Variants in COL7A1 observed in about 807,000 individuals in gnomAD.
COL7A1 encodes collagen type VII alpha 1 chain.
COL7A1 carries 296 observed loss-of-function variants against 456.2 expected under a neutral mutation model. The ratio of observed to expected loss-of-function variants is 0.65; its 90% CI spans 0.59 to 0.71. The LOEUF is 0.71. Among genes scored for constraint, COL7A1 ranks in the 30% least tolerant of loss-of-function variants. COL7A1 has a pLI of 0.00. For synonymous variants in COL7A1, 1,464 were observed against 1,525.9 expected (o/e 0.96, Z 0.95); for missense variants, 3,441 against 4,017.2 (o/e 0.86, Z 3.88).
Position 48,575,311 on chromosome 3 carries a change from C to G in COL7A1, c.6180+28G>C. The stretch of plus-strand genomic sequence containing the variant: ...CCACCCCTCCCAACCCCTCTTCCCT[C>G]ACTCTCCTGGCCAGCCCCCAGCCTC... On this transcript the variant is annotated intron_variant, in intron 74 of 118. Transcript: ENST00000681320. The surrounding 1 kb of genome is among the most constrained non-coding windows in gnomAD (Gnocchi z 6.3). The G allele has an allele frequency of 6.3e-7, 1 of 1,599,378 alleles. No homozygotes were observed. Among genetic ancestry groups the G allele is most frequent in the South Asian group, 1.1e-5 (1 of 90,704 alleles).
chr3:48,572,594 C>T lies in COL7A1; in HGVS notation c.6901-56G>A. ...CTCCCCCGCCCCCACCCTGCCACCC[C>T]CATGGCATTTGGAAACAGGCTTGTG... On this transcript the variant is annotated intron_variant, in intron 88 of 118. Transcript: ENST00000681320. This position sits in a 1 kb window ranked among gnomAD's most constrained non-coding sequence, Gnocchi z 4.6. 6.2e-7 allele frequency: 1 copy of T among 1,607,374 alleles called. No homozygotes were observed. Among genetic ancestry groups the T allele is most frequent in the Non-Finnish European group, 8.5e-7 (1 of 1,176,490 alleles).
Position 48,587,524 on chromosome 3 carries a change from CGTA to C in COL7A1, c.2885_2887del (p.Leu962del). On this transcript the variant is annotated inframe_deletion, in exon 23 of 119. Transcript: ENST00000681320. The surrounding 1 kb of genome is among the most constrained non-coding windows in gnomAD (Gnocchi z 6.1). ...CGAGTCGATCGAGGTGTCCACCACA[CGTA>C]GTTCAATGCTTGGAACACGAGGTGA... 6.2e-7 allele frequency: 1 copy of C among 1,613,504 alleles called. No individual in the cohort carries two copies. Among genetic ancestry groups the C allele is most frequent in the Non-Finnish European group, 8.5e-7 (1 of 1,180,026 alleles).
At chr3:48,582,294 G>A in intron 47 of COL7A1, 29 bp downstream of exon 47, 2 of 1,613,882 alleles carry the variant, frequency 1.2e-6, no homozygotes, top group East Asian at 4.5e-5. Context: ...GCTGTGCTGT[G>A]CTCAGAGCGC....
chr3:48,570,015 G>A lies in COL7A1; in HGVS notation c.7486-100C>T. ...GAAACAGTGGGGACCAGACAAAGGG[G>A]ACAGGGGTAGACGAGGAGGGCCAGA... On this transcript the variant is annotated intron_variant, in intron 99 of 118. Transcript: ENST00000681320. This position sits in a 1 kb window ranked among gnomAD's most constrained non-coding sequence, Gnocchi z 5.5. 6.3e-7 allele frequency: 1 copy of A among 1,594,718 alleles called. No homozygotes were observed. The highest frequency in any genetic ancestry group is 8.6e-7 in the Non-Finnish European group (1 of 1,163,664).
At position 48,576,595 on chromosome 3, in the gene COL7A1, C is replaced by T. The variant is rs751875825; in HGVS notation, c.5701-38G>A. ...AGAACACAAAGGGGTCACAAAGGCC[C>T]ATGGCTTCCCAGGAGGGTTGCCCAT... On this transcript the variant is annotated intron_variant, in intron 68 of 118. Transcript: ENST00000681320. 1.4e-5 allele frequency: 23 copies of T among 1,597,524 alleles called. No homozygotes were observed. The African/African-American group carries it at 2.6e-4, about 18-fold the overall frequency.
At position 48,581,367 on chromosome 3, in the gene COL7A1, T is replaced by C. The variant is rs368642983; in HGVS notation, c.4819-27A>G. On this transcript the variant is annotated intron_variant, in intron 51 of 118. Transcript: ENST00000681320. The surrounding 1 kb of genome is among the most constrained non-coding windows in gnomAD (Gnocchi z 5.8). ...TGTGGAGGAGGCAAGAGGGAGGTGA[T>C]GCAGGACGCTCGAAGCAAGCAGTTC... 33 of 1,613,524 alleles carry C rather than the reference T, an allele frequency of 2.0e-5. No homozygotes were observed. The Middle Eastern group carries it at 8.2e-4, about 40-fold the overall frequency.
chr3:48,567,804 C>T lies in COL7A1; in HGVS notation c.7929+34G>A. ...AGTGGGGTGAGCCTTAGGCCCCAGG[C>T]CACGTAGCCCCCCAGCCCCCATCCC... On this transcript the variant is annotated intron_variant, in intron 107 of 118. Coordinates refer to ENST00000681320, the MANE Select transcript of COL7A1 (RefSeq NM_000094.4). The surrounding 1 kb of genome is among the most constrained non-coding windows in gnomAD (Gnocchi z 4.3). 1 of 1,614,146 alleles carries T rather than the reference C, an allele frequency of 6.2e-7. No individual in the cohort carries two copies. The highest frequency in any genetic ancestry group is 8.5e-7 in the Non-Finnish European group (1 of 1,180,026).
rs747564767 is a variant in COL7A1 at position 48,583,780 on chromosome 3, C to T, written c.4279G>A (p.Gly1427Ser). ...GIAPGEPGLP[G>S]LPGSPGPQGP... The stretch of plus-strand genomic sequence containing the variant: ...TGGGGTCCAGGGCTTCCGGGAAGAC[C>T]CTAGGAAGAAGTGAGTAAAAATATG... The change falls in exon 40 of 119, where the codon GGT becomes AGT. Residue 1427 changes from glycine to serine, a missense_variant and splice_region_variant. By Grantham distance (56) the Gly-to-Ser change is moderately conservative (BLOSUM62 0). Around this residue, in one of 3 missense-constraint regions of COL7A1, gnomAD observed 2,084 missense variants for 2,501.3 expected, o/e 0.83. Coordinates refer to ENST00000681320, the MANE Select transcript of COL7A1 (RefSeq NM_000094.4). The surrounding 1 kb of genome is among the most constrained non-coding windows in gnomAD (Gnocchi z 5.1). 3 of 1,613,814 alleles carry T rather than the reference C, an allele frequency of 1.9e-6. No individual in the cohort carries two copies. The highest frequency in any genetic ancestry group is 1.3e-5 in the African/African-American group (1 of 74,992).
In COL7A1 at chr3:48,565,075, TC is replaced by T. The variant is rs777583032; in HGVS notation, c.8620+33del. ...AGCAGGGCTCAGCCCTGCCTGCCCC[TC>T]CCCAGACCCCGCTGGCAGCCCCCCA... is the stretch of plus-strand genomic sequence containing the variant. On this transcript the variant is annotated intron_variant, in intron 117 of 118. Coordinates refer to ENST00000681320, the MANE Select transcript of COL7A1 (RefSeq NM_000094.4). This position sits in a 1 kb window ranked among gnomAD's most constrained non-coding sequence, Gnocchi z 4.5. The T allele has an allele frequency of 1.2e-5, 19 of 1,532,134 alleles. No homozygotes were observed. In the African/African-American group the frequency reaches 2.6e-4, roughly 21 times the overall value. The allele number at this position is 1,532,134 out of a possible 1,614,324, so 94.9% of individuals were successfully genotyped here.
rs761395853 is a variant in COL7A1 at position 48,565,059 on chromosome 3, C to T, written c.8620+50G>A. The stretch of plus-strand genomic sequence containing the variant: ...AGGTCAGGGGGAGGTCAGCAGGGCT[C>T]AGCCCTGCCTGCCCCTCCCCAGACC... On this transcript the variant is annotated intron_variant, in intron 117 of 118. Coordinates refer to ENST00000681320, the MANE Select transcript of COL7A1 (RefSeq NM_000094.4). This position sits in a 1 kb window ranked among gnomAD's most constrained non-coding sequence, Gnocchi z 4.5. 1 of 1,599,676 alleles carries T rather than the reference C, an allele frequency of 6.3e-7. No individual in the cohort carries two copies. The highest frequency in any genetic ancestry group is 1.1e-5 in the South Asian group (1 of 90,446).
rs746270972 is a variant in COL7A1, at chr3:48,574,494, G to A, written c.6450C>T (p.Gly2150=). ...CTGTTGGGCAAGGACTTACCGGGTTGCCGTCCTGACCCCTCGGTCCAGGCT... is the reference window on the plus strand; with the variant it reads ...CTGTTGGGCAAGGACTTACCGGGTTACCGTCCTGACCCCTCGGTCCAGGCT... ...RGEPGPRGQD[G]NPGLPGERGM... The change falls in exon 79 of 119, where the codon GGC becomes GGT. Residue 2150 remains glycine, a synonymous_variant. Coordinates refer to ENST00000681320, the MANE Select transcript of COL7A1 (RefSeq NM_000094.4). This position sits in a 1 kb window ranked among gnomAD's most constrained non-coding sequence, Gnocchi z 5.0. 4 of 1,614,098 alleles carry A rather than the reference G, an allele frequency of 2.5e-6. No individual in the cohort carries two copies. The highest frequency in any genetic ancestry group is 3.4e-6 in the Non-Finnish European group (4 of 1,180,028).
In COL7A1 at chr3:48,578,056, C is replaced by T. The variant is rs1278354061; in HGVS notation, c.5532+265G>A. On this transcript the variant is annotated intron_variant, in intron 65 of 118. Coordinates refer to ENST00000681320, the MANE Select transcript of COL7A1 (RefSeq NM_000094.4). The surrounding 1 kb of genome is among the most constrained non-coding windows in gnomAD (Gnocchi z 4.7). The stretch of plus-strand genomic sequence containing the variant: ...GCGCATGCCTGTAATCCCAGTTACT[C>T]GGGAGGTTGAGGCAGGAGAATCACT... 1.3e-5 allele frequency among the ~76,000 whole-genome samples: 2 copies of T among 151,946 alleles called. No homozygotes were observed. Among genetic ancestry groups the T allele is most frequent in the South Asian group, 2.1e-4 (1 of 4,816 alleles).
intron 47 of COL7A1, 115 bp from the exon 48 acceptor site, chr3:48,582,058 A>C: frequency 6.8e-7 from 1 of 1,464,934 alleles, no homozygotes; most frequent in Non-Finnish European, 9.6e-7. Flanking sequence ...GTCCCCGCCC[A>C]GAAGTCACAG....
At position 48,593,624 on chromosome 3, in the gene COL7A1, C is replaced by A; in HGVS notation, c.339G>T (p.Lys113Asn). The change falls in exon 4 of 119, where the codon AAG (lysine) becomes AAT (asparagine). Residue 113 changes from lysine (K) to asparagine (N), a missense_variant. Transcript: ENST00000681320. The surrounding 1 kb of genome is among the most constrained non-coding windows in gnomAD (Gnocchi z 4.4). ...CAGCCCCTGTGCGAGTGTTGCCCCCCTTGTAGCTAAGCTCACGGATGGCGC... is the reference window on the plus strand; with the variant it reads ...CAGCCCCTGTGCGAGTGTTGCCCCCATTGTAGCTAAGCTCACGGATGGCGC... ...VIRAIRELSY[K>N]GGNTRTGAAI... The A allele has an allele frequency of 6.2e-7, 1 of 1,614,226 alleles. No homozygotes were observed.
intron 37 of COL7A1, 111 bp downstream of exon 37, chr3:48,584,187 A>C: frequency 6.4e-7 from 1 of 1,564,402 alleles, no homozygotes. Context: ...CGTCATGGTG[A>C]GGATGGGGGT....
In COL7A1 at chr3:48,569,821, A is replaced by C; in HGVS notation, c.7521+59T>G. 6.2e-7 allele frequency: 1 copy of C among 1,614,088 alleles called. No homozygotes were observed. Among genetic ancestry groups the C allele is most frequent in the South Asian group, 1.1e-5 (1 of 91,082 alleles). On this transcript the variant is annotated intron_variant, in intron 100 of 118. Coordinates refer to ENST00000681320, the MANE Select transcript of COL7A1 (RefSeq NM_000094.4). This position sits in a 1 kb window ranked among gnomAD's most constrained non-coding sequence, Gnocchi z 4.9. ...GGGGAGGCCCCGCACCTGAATTCTA[A>C]TATCATACAAGATCCACTCACCCCC...
In COL7A1 at chr3:48,572,110, G is replaced by T. The variant is rs1404939481; in HGVS notation, c.7023+17C>A. The T allele has an allele frequency of 6.2e-7, 1 of 1,613,980 alleles. No homozygotes were observed. Among genetic ancestry groups the T allele is most frequent in the Non-Finnish European group, 8.5e-7 (1 of 1,179,952 alleles). On this transcript the variant is annotated intron_variant, in intron 91 of 118. Coordinates refer to ENST00000681320, the MANE Select transcript of COL7A1 (RefSeq NM_000094.4). The surrounding 1 kb of genome is among the most constrained non-coding windows in gnomAD (Gnocchi z 4.6). ...TTCTCTGCTCAGTAGTCAGGCCCCAGGGCCAACCCACCTCACCTTCTCGCC... is the reference window on the plus strand; with the variant it reads ...TTCTCTGCTCAGTAGTCAGGCCCCATGGCCAACCCACCTCACCTTCTCGCC...
chr3:48,579,741 G>A lies in COL7A1; in HGVS notation c.5154+44C>T. 1 of 1,613,936 alleles carries A rather than the reference G, an allele frequency of 6.2e-7. No homozygotes were observed. Among genetic ancestry groups the A allele is most frequent in the Non-Finnish European group, 8.5e-7 (1 of 1,180,012 alleles). ...TGCCCAAGGTAGAACCTGCTGGGAG[G>A]GGCACTGGGGTCTTTCTTACCCTCC... On this transcript the variant is annotated intron_variant, in intron 58 of 118. Transcript: ENST00000681320. The surrounding 1 kb of genome is among the most constrained non-coding windows in gnomAD (Gnocchi z 4.4).
At position 48,594,556 on chromosome 3, in the gene COL7A1, G is replaced by C. The variant is rs1012398135; in HGVS notation, c.86-8C>G. ...AAAGGCGCGTGCAGGTCACTGGGGC[G>C]GGCAGGAGAGATCAGGGCCTCTTCT... On this transcript the variant is annotated splice_polypyrimidine_tract_variant and splice_region_variant and intron_variant, in intron 2 of 118. Transcript: ENST00000681320. This position sits in a 1 kb window ranked among gnomAD's most constrained non-coding sequence, Gnocchi z 5.5. 3.2e-6 allele frequency: 5 copies of C among 1,575,972 alleles called. No individual in the cohort carries two copies. In the African/African-American group the frequency reaches 4.1e-5, roughly 13 times the overall value.
Sources: gnomAD v4.1 joint callset for allele counts (sites outside exome capture counted in the v4.1 genomes callset) on GRCh38, gnomAD v4.1.1 for gene constraint, gnomAD v4.1.1 regional missense constraint, Gnocchi (gnomAD v3.1) non-coding constraint, MANE v1.5 for transcripts, NCBI Gene and HGNC (gene_info 2026-07-23, HGNC 2026-07-21) for gene names.